Variants in SHTN1 observed in about 807,000 individuals in gnomAD.
SHTN1 encodes shootin 1, also known as shootin-1.
A neutral mutation model predicts 83.1 loss-of-function variants in SHTN1; 42 were observed. That is an observed-to-expected ratio of 0.51 (90% CI 0.39 to 0.65). SHTN1 has a LOEUF of 0.65. Ranked by LOEUF, SHTN1 falls within the 30% of genes least tolerant of loss-of-function variation. SHTN1 has a pLI of 0.00. For missense variants in SHTN1, 622 were observed against 737.8 expected (o/e 0.84, Z 1.82); for synonymous variants, 224 against 247.7 (o/e 0.90, Z 0.90).
chr10:116,942,790 T>C (rs1849432197), intron 8 of SHTN1, among the ~76,000 whole-genome samples: 1 of 152,174 alleles, frequency 6.6e-6, no homozygotes, highest in Admixed American at 6.5e-5. Context: ...TCCAAGAGGG[T>C]AGGGCTCACA....
At chr10:117,110,279 TCA>T (rs1230695433) in intron 1 of SHTN1, among the ~76,000 whole-genome samples, 1 of 152,194 alleles carries the variant, frequency 6.6e-6, no homozygotes, top group Non-Finnish European at 1.5e-5. Context: ...GAAACTGCAT[TCA>T]CACATTGCTG....
At chr10:117,102,322 A>T (rs1246173781) in intron 1 of SHTN1, among the ~76,000 whole-genome samples, 4 of 152,202 alleles carry the variant, frequency 2.6e-5, no homozygotes, top group Non-Finnish European at 4.4e-5. Context: ...ACTAAGTCTC[A>T]GGCAGAGACC....
At chr10:117,067,942 A>C (rs979553576) in intron 1 of SHTN1, among the ~76,000 whole-genome samples, 1 of 152,182 alleles carries the variant, frequency 6.6e-6, no homozygotes, top group Non-Finnish European at 1.5e-5. Flanking sequence ...CAAAATAAGG[A>C]ATAGCTTGGA....
chr10:116,953,645 T>G (rs1849867874), intron 5 of SHTN1, among the ~76,000 whole-genome samples: 1 of 147,866 alleles, frequency 6.8e-6, no homozygotes, highest in African/African-American at 2.5e-5. Context: ...TTTTTTTTTT[T>G]GAGACAGAGT....
intron 1 of SHTN1, among the ~76,000 whole-genome samples, chr10:116,994,252 T>C (rs1198059963): frequency 2.0e-5 from 3 of 151,968 alleles, no homozygotes; most frequent in African/African-American, 4.8e-5. Flanking sequence ...TATTTAAAGG[T>C]TGAAAAATGA....
At chr10:117,070,227 A>AT (rs1029522595) in intron 1 of SHTN1, among the ~76,000 whole-genome samples, 5 of 152,052 alleles carry the variant, frequency 3.3e-5, no homozygotes, top group Non-Finnish European at 5.9e-5. Context: ...CTAAGTGGAT[A>AT]TGGGAGGTAT....
chr10:116,923,301 T>G (rs1848628561), intron 11 of SHTN1, among the ~76,000 whole-genome samples: 1 of 152,232 alleles, frequency 6.6e-6, no homozygotes, highest in Admixed American at 6.5e-5. Context: ...TGTACATATC[T>G]GCATATAGCA....
At chr10:117,015,554 C>T (rs931199451) in intron 2 of SHTN1, among the ~76,000 whole-genome samples, 5 of 152,162 alleles carry the variant, frequency 3.3e-5, no homozygotes, top group African/African-American at 7.2e-5. Flanking sequence ...TGGTCTCGAA[C>T]TTCCAACCTC....
At chr10:116,991,985 T>C (rs1487290701) in intron 1 of SHTN1, among the ~76,000 whole-genome samples, 1 of 151,820 alleles carries the variant, frequency 6.6e-6, no homozygotes, top group African/African-American at 2.4e-5. Flanking sequence ...CTACAAAAAA[T>C]ACCCATACTA....
upstream of SHTN1, chr10:117,005,321 G>C (rs1851979502): frequency 2.2e-6 from 3 of 1,343,694 alleles, no homozygotes; most frequent in African/African-American, 3.0e-5. Context: ...GTCCCGTTCA[G>C]GGGGTGGAGG....
At chr10:116,969,403 T>C (rs950672606) in intron 2 of SHTN1, among the ~76,000 whole-genome samples, 2 of 152,038 alleles carry the variant, frequency 1.3e-5, no homozygotes, top group African/African-American at 4.8e-5. Context: ...ATCACACCAT[T>C]GCACTCCAGC....
At chr10:117,086,013 C>T (rs569475899) in intron 1 of SHTN1, among the ~76,000 whole-genome samples, 4 of 151,758 alleles carry the variant, frequency 2.6e-5, no homozygotes, top group African/African-American at 7.2e-5. Flanking sequence ...CTCCACCTCC[C>T]GGGTTCAAGC....
intron 2 of SHTN1, among the ~76,000 whole-genome samples, chr10:117,026,199 T>TA (rs912901557): frequency 6.6e-5 from 10 of 152,276 alleles, no homozygotes; most frequent in African/African-American, 2.4e-4. Flanking sequence ...CCTGAAAGTT[T>TA]GAGTCCCAGG....
At chr10:117,008,535 T>C (rs938381615), upstream of SHTN1, among the ~76,000 whole-genome samples, 7 of 152,174 alleles carry the variant, frequency 4.6e-5, no homozygotes, top group African/African-American at 1.7e-4. Flanking sequence ...AGTACTGATA[T>C]ATGGTACAAC....
In SHTN1 at chr10:116,973,975, A is replaced by G. The variant is rs779520905; in HGVS notation, c.112-5263T>C. On this transcript the variant is annotated intron_variant, in intron 2 of 16. Coordinates refer to ENST00000355371, the MANE Select transcript of SHTN1 (RefSeq NM_001127211.3). ...AGAACTGTGCTTTCTGGATTTCTAC[A>G]CTCTTATCCCTAAAGAATACAACAC... 47 of 1,214,030 alleles carry G rather than the reference A, an allele frequency of 3.9e-5. 2 individuals carry two copies. In the South Asian group the frequency reaches 6.7e-4, roughly 17 times the overall value. 75.2% of individuals were successfully genotyped at this position (1,214,030 alleles called of 1,614,324 possible).
intron 15 of SHTN1, among the ~76,000 whole-genome samples, chr10:116,906,308 C>A (rs910470176): frequency 3.3e-5 from 5 of 152,224 alleles, no homozygotes; most frequent in African/African-American, 1.2e-4. Flanking sequence ...GGTGGTCTGG[C>A]TCCAGAGCCT....
At chr10:117,044,496 AT>A (rs1235494276) in intron 2 of SHTN1, among the ~76,000 whole-genome samples, 3 of 152,180 alleles carry the variant, frequency 2.0e-5, no homozygotes, top group Non-Finnish European at 4.4e-5. Flanking sequence ...GCTATGTCCA[AT>A]TTCTTTCTCA....
chr10:116,892,809 T>G (rs988512725), intron 16 of SHTN1, among the ~76,000 whole-genome samples: 2 of 152,176 alleles, frequency 1.3e-5, no homozygotes, highest in Non-Finnish European at 2.9e-5. Flanking sequence ...GCTTCTTCTA[T>G]TTGAATAAAA....
chr10:116,986,920 G>C (rs1184467072), intron 1 of SHTN1, among the ~76,000 whole-genome samples: 2 of 151,714 alleles, frequency 1.3e-5, no homozygotes, highest in East Asian at 1.9e-4. Flanking sequence ...GTAGAGACGG[G>C]GTTTCACCAT....
Sources: gnomAD v4.1 joint callset for allele counts (sites outside exome capture counted in the v4.1 genomes callset) on GRCh38, gnomAD v4.1.1 for gene constraint, MANE v1.5 for transcripts, NCBI Gene and HGNC (gene_info 2026-07-23, HGNC 2026-07-21) for gene names.